Variants in KCNMB2 observed in about 807,000 individuals in gnomAD.
KCNMB2 encodes the protein potassium calcium-activated channel subfamily M regulatory beta subunit 2.
In KCNMB2, 9 loss-of-function variants were observed where a neutral mutation model predicts 24.5. That is an observed-to-expected ratio of 0.37 (90% CI 0.22 to 0.64). KCNMB2 has a LOEUF of 0.64. Among genes scored for constraint, KCNMB2 ranks in the 30% least tolerant of loss-of-function variants. The pLI is 0.63. For synonymous variants in KCNMB2, 109 were observed against 104.4 expected, an observed-to-expected ratio of 1.04 and a Z score of -0.27; for missense variants, 226 against 284.3, an observed-to-expected ratio of 0.79 and a Z score of 1.47.
At chr3:178,702,045 A>G (rs1208341514) in intron 1 of KCNMB2, among the ~76,000 whole-genome samples, 1 of 152,114 alleles carries the variant, frequency 6.6e-6, no homozygotes, top group Non-Finnish European at 1.5e-5. Flanking sequence ...ATGTCCATCA[A>G]TGATAGACTG....
intron 1 of KCNMB2, among the ~76,000 whole-genome samples, chr3:178,590,186 T>A (rs911261254): frequency 2.0e-5 from 3 of 152,128 alleles, no homozygotes; most frequent in African/African-American, 7.2e-5. Context: ...TCCTTCCTTC[T>A]CTCTCTTATT....
intron 1 of KCNMB2, among the ~76,000 whole-genome samples, chr3:178,715,837 T>C (rs895746648): frequency 6.6e-6 from 1 of 152,152 alleles, no homozygotes; most frequent in Non-Finnish European, 1.5e-5. Flanking sequence ...GGATGACAAC[T>C]AAACCAACCT....
At chr3:178,671,168 G>T (rs772559191) in intron 1 of KCNMB2, among the ~76,000 whole-genome samples, 1 of 149,524 alleles carries the variant, frequency 6.7e-6, no homozygotes, top group East Asian at 2.0e-4. Context: ...GGTTGATATT[G>T]GTTTGAACCT....
chr3:178,758,553 C>CATATATATAA (rs1724326699), intron 1 of KCNMB2, among the ~76,000 whole-genome samples: 1 of 18,128 alleles, frequency 5.5e-5, no homozygotes, highest in Non-Finnish European at 1.0e-4. Context: ...TATATATATC[C>CATATATATAA]AAGAGGAGAT....
At chr3:178,686,674 T>C (rs1001264276) in intron 1 of KCNMB2, among the ~76,000 whole-genome samples, 1 of 152,208 alleles carries the variant, frequency 6.6e-6, no homozygotes, top group East Asian at 1.9e-4. Flanking sequence ...AACACCTCTT[T>C]GTGTATGTAT....
At chr3:178,579,685 G>A (rs183915410) in intron 1 of KCNMB2, among the ~76,000 whole-genome samples, 1 of 152,018 alleles carries the variant, frequency 6.6e-6, no homozygotes, top group African/African-American at 2.4e-5. Context: ...ATGATAAAGG[G>A]GATATCACCT....
intron 1 of KCNMB2, among the ~76,000 whole-genome samples, chr3:178,608,423 A>G (rs1281677548): frequency 6.6e-6 from 1 of 152,172 alleles, no homozygotes; most frequent in Non-Finnish European, 1.5e-5. Context: ...GTAGGTGCAT[A>G]TATTTATTGA....
chr3:178,821,478 A>T (rs1560035144), intron 2 of KCNMB2, among the ~76,000 whole-genome samples: 1 of 151,788 alleles, frequency 6.6e-6, no homozygotes, highest in African/African-American at 2.4e-5. Flanking sequence ...CCAAATGATA[A>T]TTTTTGTTTT....
At chr3:178,712,437 C>A (rs1722484782) in intron 1 of KCNMB2, among the ~76,000 whole-genome samples, 1 of 152,060 alleles carries the variant, frequency 6.6e-6, no homozygotes, top group Admixed American at 6.6e-5. Flanking sequence ...TGAATGTTTC[C>A]CAGGTGCCAG....
intron 1 of KCNMB2, among the ~76,000 whole-genome samples, chr3:178,582,386 G>GCCC (rs1345030367): frequency 6.6e-6 from 1 of 152,146 alleles, no homozygotes; most frequent in Non-Finnish European, 1.5e-5. Context: ...GGGAGGGATA[G>GCCC]CCTTAGGAGA....
chr3:178,538,911 T>C (rs1484104926), intron 1 of KCNMB2, among the ~76,000 whole-genome samples: 1 of 152,232 alleles, frequency 6.6e-6, no homozygotes, highest in Non-Finnish European at 1.5e-5. Context: ...GAGATATCTT[T>C]TTCTTTCAGC....
intron 1 of KCNMB2, among the ~76,000 whole-genome samples, chr3:178,595,050 C>T (rs1002593689): frequency 1.7e-5 from 1 of 57,402 alleles, no homozygotes; most frequent in African/African-American, 6.2e-5. Flanking sequence ...GTGGCATATA[C>T]AGTATTTGCA....
At chr3:178,686,160 T>C (rs1721464256) in intron 1 of KCNMB2, among the ~76,000 whole-genome samples, 1 of 152,340 alleles carries the variant, frequency 6.6e-6, no homozygotes, top group South Asian at 2.1e-4. Context: ...CCATTCTACA[T>C]TGATGGCTGA....
Position 178,830,498 on chromosome 3 carries a change from A to G in KCNMB2, c.423+2125A>G, listed in dbSNP as rs528799244. On this transcript the variant is annotated intron_variant, in intron 4 of 4. Coordinates refer to ENST00000452583, the MANE Select transcript of KCNMB2 (RefSeq NM_181361.3). The stretch of plus-strand genomic sequence containing the variant: ...TGGGAATGGAATATTTAAATCATAG[A>G]GTATCCATATCTTAAAGTTAAGTAG... Among the ~76,000 whole-genome samples, 10 of 152,292 alleles carry G rather than the reference A, an allele frequency of 6.6e-5. 1 individual carries two copies. Among genetic ancestry groups the G allele is most frequent in the African/African-American group, 2.4e-4 (10 of 41,572 alleles).
At chr3:178,740,285 AT>A (rs1224359719) in intron 1 of KCNMB2, among the ~76,000 whole-genome samples, 1 of 151,510 alleles carries the variant, frequency 6.6e-6, no homozygotes, top group Non-Finnish European at 1.5e-5. Flanking sequence ...CACCTGGCTA[AT>A]TTTTTTGTAT....
chr3:178,823,067 CT>C (rs1273664586), intron 2 of KCNMB2, among the ~76,000 whole-genome samples: 1 of 152,238 alleles, frequency 6.6e-6, no homozygotes, highest in Admixed American at 6.5e-5. Flanking sequence ...CAGCCTGTCT[CT>C]TCCTGATTCA....
At chr3:178,649,161 GAT>G (rs1401821327) in intron 1 of KCNMB2, among the ~76,000 whole-genome samples, 1 of 151,914 alleles carries the variant, frequency 6.6e-6, no homozygotes, top group Non-Finnish European at 1.5e-5. Context: ...TTCATCTTCT[GAT>G]AATTTTTCCT....
intron 1 of KCNMB2, among the ~76,000 whole-genome samples, chr3:178,576,064 G>A (rs1445204445): frequency 6.6e-6 from 1 of 152,064 alleles, no homozygotes; most frequent in Non-Finnish European, 1.5e-5. Flanking sequence ...TAAGATGGCT[G>A]AATAGGAACA....
Position 178,599,245 on chromosome 3 carries a change from T to C in KCNMB2, c.-68+62534T>C, listed in dbSNP as rs140701925. Among the ~76,000 whole-genome samples, 19 of 152,296 alleles carry C rather than the reference T, an allele frequency of 1.2e-4. No homozygotes were observed. In the East Asian group the frequency reaches 3.7e-3, roughly 29 times the overall value. On this transcript the variant is annotated intron_variant, in intron 1 of 4. Transcript: ENST00000452583. ...CTTTCAATTTGCTTTTTAAAATATT[T>C]GCTTAATTACTATTAAAAAGAATAA...
Sources: allele counts gnomAD v4.1 joint callset (sites outside exome capture counted in the v4.1 genomes callset), GRCh38; gene constraint gnomAD v4.1.1; transcripts MANE v1.5; gene names NCBI Gene and HGNC (gene_info 2026-07-23, HGNC 2026-07-21).